CDH5: variants seen among roughly 807,000 people sequenced by gnomAD.
CDH5 encodes cadherin 5, also known as cadherin-5.
A neutral mutation model predicts 62.0 loss-of-function variants in CDH5; 28 were observed. The ratio of observed to expected loss-of-function variants is 0.45; its 90% CI spans 0.33 to 0.62. CDH5 has a LOEUF of 0.62. Ranked by LOEUF, CDH5 falls within the 20% of genes least tolerant of loss-of-function variation. CDH5 has a pLI of 0.02. For missense variants in CDH5, 940 were observed against 1,065.1 expected (o/e 0.88, Z 1.63); for synonymous variants, 464 against 445.8 (o/e 1.04, Z -0.52).
chr16:66,382,881 TG>T lies in CDH5; in HGVS notation c.210+3337del, dbSNP rs543948487. Among the ~76,000 whole-genome samples the T allele has an allele frequency of 7.9e-5, 12 of 152,304 alleles. No individual in the cohort carries two copies. In the South Asian group the frequency reaches 2.5e-3, roughly 32 times the overall value. Reference sequence around the variant, plus strand: ...TTTGTTTACAGACCTGGCTGGACAATGGGAGCAAGTCCTGAGCCGCCTTCTG... The same window carrying T: ...TTTGTTTACAGACCTGGCTGGACAATGGAGCAAGTCCTGAGCCGCCTTCTG... On this transcript the variant is annotated intron_variant, in intron 2 of 11. Transcript: ENST00000341529.
Position 66,390,434 on chromosome 16 carries a change from C to A in CDH5, c.813C>A (p.Thr271=), listed in dbSNP as rs371373878. 7 of 1,613,818 alleles carry A rather than the reference C, an allele frequency of 4.3e-6. No homozygotes were observed. The highest frequency in any genetic ancestry group is 5.9e-6 in the Non-Finnish European group (7 of 1,179,932). Reference sequence around the variant, plus strand: ...ACACATTTGTCGTGCCTGAAGACACCCGTGTGGGCACCTCTGTGGGCTCTC... The same window carrying A: ...ACACATTTGTCGTGCCTGAAGACACACGTGTGGGCACCTCTGTGGGCTCTC... ...TKYTFVVPED[T]RVGTSVGSLF... The change falls in exon 6 of 12, where the codon ACC becomes ACA. Residue 271 remains threonine, a synonymous_variant. Transcript: ENST00000341529.
chr16:66,402,502 ATGGGGTTGCAGGGGAAG>A lies in CDH5; in HGVS notation c.1838-149_1838-133del. ...TTGCAGGGGAAGGGGGGCCAAAAGG[ATGGGGTTGCAGGGGAAG>A]GGGGGGCCAAAGGGATGGGCATGCT... On this transcript the variant is annotated intron_variant, in intron 11 of 11. Transcript: ENST00000341529. 7.6e-6 allele frequency: 4 copies of A among 525,044 alleles called. No individual in the cohort carries two copies. The South Asian group carries it at 8.7e-5, about 11-fold the overall frequency. The allele number at this position is 525,044 out of a possible 1,614,324, so 32.5% of individuals were successfully genotyped here.
chr16:66,367,257 G>C (rs575567501), intron 1 of CDH5, among the ~76,000 whole-genome samples: 1 of 152,346 alleles, frequency 6.6e-6, no homozygotes, highest in Admixed American at 6.5e-5. Flanking sequence ...TGAAAAGGAA[G>C]CTCCGAGCCT....
chr16:66,378,585 C>T (rs1276986642), intron 1 of CDH5, among the ~76,000 whole-genome samples: 1 of 152,206 alleles, frequency 6.6e-6, no homozygotes, highest in Non-Finnish European at 1.5e-5. Flanking sequence ...CTGTGTGCCT[C>T]AGTTTCCTCA....
chr16:66,373,642 C>T (rs1960733191), intron 1 of CDH5, among the ~76,000 whole-genome samples: 1 of 152,074 alleles, frequency 6.6e-6, no homozygotes, highest in Admixed American at 6.6e-5. Context: ...GTCTCGAACT[C>T]CTGACCTCAA....
At chr16:66,371,348 A>G (rs1960685710) in intron 1 of CDH5, among the ~76,000 whole-genome samples, 2 of 151,926 alleles carry the variant, frequency 1.3e-5, no homozygotes, top group African/African-American at 4.8e-5. Context: ...CAGCAGGCAC[A>G]CCTCCTGCAT....
chr16:66,389,302 G>A (rs1231103658), intron 4 of CDH5, 56 bp from the exon 5 acceptor site: 1 of 1,549,936 alleles, frequency 6.5e-7, no homozygotes, highest in Non-Finnish European at 8.8e-7. Context: ...CAGGCCCTAG[G>A]CATCGGTATT....
chr16:66,402,627 C>G lies in CDH5; in HGVS notation c.1838-25C>G, dbSNP rs1961306286. 4 of 1,539,826 alleles carry G rather than the reference C, an allele frequency of 2.6e-6. No homozygotes were observed. In the African/African-American group the frequency reaches 5.5e-5, roughly 21 times the overall value. On this transcript the variant is annotated intron_variant, in intron 11 of 11. Coordinates refer to ENST00000341529, the MANE Select transcript of CDH5 (RefSeq NM_001795.5). ...CCCAGGCCCCCAGCCTTGTCTGACTCTGCTGCTCGGCTCCCTGGCTGCAGT... is the reference window on the plus strand; with the variant it reads ...CCCAGGCCCCCAGCCTTGTCTGACTGTGCTGCTCGGCTCCCTGGCTGCAGT...
In CDH5 at chr16:66,390,830, G is replaced by A. The variant is rs182197828; in HGVS notation, c.969+240G>A. ...TGGGAGGTGATCCCAGGAAGCCCCA[G>A]GAGCAATGACCCACTGCGGGGTAAG... On this transcript the variant is annotated intron_variant, in intron 6 of 11. Transcript: ENST00000341529. Among the ~76,000 whole-genome samples the A allele has an allele frequency of 2.9e-3, 438 of 152,334 alleles. 2 individuals are homozygous for A. The highest frequency in any genetic ancestry group is 0.01 in the African/African-American group (425 of 41,582).
intron 1 of CDH5, among the ~76,000 whole-genome samples, chr16:66,378,015 CCACA>C (rs1960816594): frequency 6.6e-6 from 1 of 152,114 alleles, no homozygotes; most frequent in Admixed American, 6.5e-5. Flanking sequence ...TTGCACTGGG[CCACA>C]CAAATTATGA....
intron 7 of CDH5, among the ~76,000 whole-genome samples, chr16:66,394,666 A>AT (rs1255098105): frequency 2.6e-5 from 4 of 151,936 alleles, no homozygotes; most frequent in African/African-American, 9.7e-5. Context: ...TCTTGGACCT[A>AT]TATTTTCTAG....
chr16:66,380,237 T>G (rs1478910328), intron 2 of CDH5, among the ~76,000 whole-genome samples: 9 of 104,040 alleles, frequency 8.7e-5, no homozygotes, highest in Non-Finnish European at 1.4e-4. Flanking sequence ...GATAAAGGGG[T>G]AGGTGGTGGT....
At chr16:66,401,081 CG>C in intron 11 of CDH5, 65 bp downstream of exon 11, 1 of 1,602,828 alleles carries the variant, frequency 6.2e-7, no homozygotes, top group South Asian at 1.1e-5. Flanking sequence ...TGTTGGGAGG[CG>C]GGGAGGCTTC....
Position 66,390,606 on chromosome 16 carries a change from G to T in CDH5, c.969+16G>T. The T allele has an allele frequency of 1.9e-6, 3 of 1,612,154 alleles. No individual in the cohort carries two copies. The highest frequency in any genetic ancestry group is 1.3e-5 in the African/African-American group (1 of 75,000). ...GCCCATGAAGGTTTGTAGGCCAATG[G>T]CAACAATGTCAAACGTGAGGCTTGG... is the stretch of plus-strand genomic sequence containing the variant. On this transcript the variant is annotated intron_variant, in intron 6 of 11. Transcript: ENST00000341529.
intron 2 of CDH5, among the ~76,000 whole-genome samples, chr16:66,380,262 T>C (rs1260682477): frequency 6.8e-5 from 10 of 146,222 alleles, no homozygotes; most frequent in Non-Finnish European, 1.0e-4. Flanking sequence ...ATCACGGTGA[T>C]GGTGGTGATG....
At chr16:66,392,963 T>G (rs1961115040) in intron 7 of CDH5, 2 of 152,844 alleles carry the variant, frequency 1.3e-5, no homozygotes, top group African/African-American at 2.4e-5. Flanking sequence ...GATGTTTGAT[T>G]GTTTTAAAAT....
At chr16:66,390,250 C>T (rs535065909) in intron 5 of CDH5, among the ~76,000 whole-genome samples, 153 bp from the exon 6 acceptor site, 1 of 152,320 alleles carries the variant, frequency 6.6e-6, no homozygotes, top group East Asian at 1.9e-4. Flanking sequence ...AGGGAAGACC[C>T]TCTTTACCTT....
intron 4 of CDH5, 144 bp downstream of exon 4, chr16:66,388,584 A>G (rs1428662014): frequency 3.2e-6 from 2 of 632,372 alleles, no homozygotes; most frequent in African/African-American, 3.7e-5. Context: ...AGTAGTCAGT[A>G]TCATATGTAA....
intron 5 of CDH5, 46 bp from the exon 6 acceptor site, chr16:66,390,357 C>G: frequency 6.8e-7 from 1 of 1,477,398 alleles, no homozygotes; most frequent in South Asian, 1.3e-5. Context: ...ATCGCCTTGT[C>G]TATCTCATTA....
Sources: gnomAD v4.1 joint callset for allele counts (sites outside exome capture counted in the v4.1 genomes callset) on GRCh38, gnomAD v4.1.1 for gene constraint, MANE v1.5 for transcripts, NCBI Gene and HGNC (gene_info 2026-07-23, HGNC 2026-07-21) for gene names.